Variants in PREX1 observed in about 807,000 individuals in gnomAD.
PREX1 encodes phosphatidylinositol 3,4,5-trisphosphate-dependent Rac exchanger 1 protein.
A neutral mutation model predicts 198.3 loss-of-function variants in PREX1; 41 were observed. The ratio of observed to expected loss-of-function variants is 0.21; its 90% CI spans 0.16 to 0.27. The LOEUF is 0.27. Ranked by LOEUF, PREX1 falls within the 10% of genes least tolerant of loss-of-function variation. The probability of loss-of-function intolerance (pLI) is 1.00; values close to 1 mark genes in which losing one functional copy is unlikely to be tolerated. For synonymous variants in PREX1, 843 were observed against 887.2 expected (o/e 0.95, Z 0.89); for missense variants, 1,620 against 2,200.7 (o/e 0.74, Z 5.28).
intron 2 of PREX1, among the ~76,000 whole-genome samples, chr20:48,746,991 C>T (rs2090111177): frequency 9.2e-6 from 1 of 108,610 alleles, no homozygotes; most frequent in African/African-American, 3.2e-5. Context: ...CACACACACA[C>T]ACACACACAC....
In PREX1 at chr20:48,747,769, A is replaced by G. The variant is rs927080870; in HGVS notation, c.291+40T>C. The G allele has an allele frequency of 2.5e-6, 4 of 1,569,354 alleles. No homozygotes were observed. In the African/African-American group the frequency reaches 4.1e-5, roughly 16 times the overall value. On this transcript the variant is annotated intron_variant, in intron 2 of 39. Coordinates refer to ENST00000371941, the MANE Select transcript of PREX1 (RefSeq NM_020820.4). ...CGGGAAGAGCAAGGCACAAAGCAAC[A>G]CAGATGCTCTAGAACAGGGGCCAGC...
chr20:48,764,914 G>A (rs183394243), intron 1 of PREX1, among the ~76,000 whole-genome samples: 1 of 152,246 alleles, frequency 6.6e-6, no homozygotes, highest in Admixed American at 6.5e-5. Flanking sequence ...AAGGAATGCA[G>A]GGGCCTCTGG....
At chr20:48,722,543 C>G (rs572180266) in intron 5 of PREX1, among the ~76,000 whole-genome samples, 20 of 152,254 alleles carry the variant, frequency 1.3e-4, no homozygotes, top group African/African-American at 4.3e-4. Context: ...AATGGTTGCA[C>G]AACCCTTGAG....
At chr20:48,867,245 C>T in the PREX1 span, among the ~76,000 whole-genome samples, 4 of 152,184 alleles carry the variant, frequency 2.6e-5, no homozygotes, top group African/African-American at 9.7e-5. Flanking sequence ...AGCCAATCCA[C>T]TTCAAGTTTC....
At chr20:48,729,366 C>T (rs2090024194) in intron 4 of PREX1, among the ~76,000 whole-genome samples, 1 of 152,034 alleles carries the variant, frequency 6.6e-6, no homozygotes, top group African/African-American at 2.4e-5. Context: ...TGTGAGCCAC[C>T]GTGCCTGGCC....
At chr20:48,679,522 G>A (rs1156499294) in intron 12 of PREX1, 113 bp from the exon 13 acceptor site, 9 of 1,389,894 alleles carry the variant, frequency 6.5e-6, no homozygotes, top group Non-Finnish European at 6.1e-6. Flanking sequence ...GGGTAATGGG[G>A]GCAGGGGTGA....
intron 1 of PREX1, among the ~76,000 whole-genome samples, chr20:48,778,930 C>G (rs1465989999): frequency 6.6e-6 from 1 of 151,822 alleles, no homozygotes; most frequent in African/African-American, 2.4e-5. Context: ...GGAGAAAATC[C>G]TTGTGACCTG....
intron 2 of PREX1, 149 bp from the exon 3 acceptor site, chr20:48,745,296 T>C (rs973454302): frequency 1.3e-5 from 10 of 797,290 alleles, no homozygotes; most frequent in Non-Finnish European, 1.9e-5. Context: ...CTAATAGAAA[T>C]CTTTGTAATA....
At chr20:48,745,765 CCTT>C (rs1452373755) in intron 2 of PREX1, among the ~76,000 whole-genome samples, 1 of 152,214 alleles carries the variant, frequency 6.6e-6, no homozygotes, top group African/African-American at 2.4e-5. Context: ...TAGAATTTAA[CCTT>C]CTGATCAGTT....
At chr20:48,867,870 C>T in the PREX1 span, among the ~76,000 whole-genome samples, 2 of 142,268 alleles carry the variant, frequency 1.4e-5, no homozygotes, top group Non-Finnish European at 3.1e-5. Flanking sequence ...CCATCTTAAC[C>T]TTTTTTTTTT....
chr20:48,658,310 T>G, intron 16 of PREX1, 82 bp from the exon 17 acceptor site: 2 of 1,391,294 alleles, frequency 1.4e-6, no homozygotes, highest in East Asian at 2.3e-5. Flanking sequence ...CACAGGACCA[T>G]GACCTCGTCC....
chr20:48,659,045 A>G (rs757799213), intron 16 of PREX1, among the ~76,000 whole-genome samples: 3 of 151,816 alleles, frequency 2.0e-5, no homozygotes, highest in Non-Finnish European at 4.4e-5. Flanking sequence ...CCTGGGCAAC[A>G]TAGCAAAACC....
chr20:48,853,797 T>A, the PREX1 span, among the ~76,000 whole-genome samples: 6 of 152,220 alleles, frequency 3.9e-5, no homozygotes, highest in Admixed American at 3.3e-4. Flanking sequence ...ACCAGCTGAG[T>A]GACATCAAGC....
At chr20:48,750,044 C>T (rs2090127346) in intron 1 of PREX1, among the ~76,000 whole-genome samples, 1 of 148,558 alleles carries the variant, frequency 6.7e-6, no homozygotes, top group African/African-American at 2.4e-5. Context: ...TAATTAATGA[C>T]CTTTCCCAAA....
chr20:48,869,666 A>G, the PREX1 span, among the ~76,000 whole-genome samples: 2 of 152,334 alleles, frequency 1.3e-5, no homozygotes, highest in East Asian at 3.9e-4. Flanking sequence ...ATGCAGCCAT[A>G]AAAAAGAATA....
the PREX1 span, among the ~76,000 whole-genome samples, chr20:48,887,031 A>G: frequency 2.0e-5 from 3 of 152,182 alleles, no homozygotes; most frequent in Non-Finnish European, 4.4e-5. Flanking sequence ...ACTATCTTTA[A>G]GAGGAATGGC....
chr20:48,822,284 G>T (rs1384581056), intron 1 of PREX1, among the ~76,000 whole-genome samples: 1 of 152,180 alleles, frequency 6.6e-6, no homozygotes, highest in Non-Finnish European at 1.5e-5. Flanking sequence ...CAGCCCAGAG[G>T]TCTCACAGGG....
At chr20:48,636,350 G>A (rs932415061) in intron 32 of PREX1, 113 bp downstream of exon 32, 89 of 1,099,596 alleles carry the variant, frequency 8.1e-5, no homozygotes, top group Middle Eastern at 3.0e-4. Context: ...GCTGCTGCGG[G>A]AATGACGAGG....
At chr20:48,679,796 C>A (rs2089736491) in intron 11 of PREX1, 42 bp from the exon 12 acceptor site, 1 of 1,476,812 alleles carries the variant, frequency 6.8e-7, no homozygotes, top group South Asian at 1.1e-5. Context: ...CACGCCCCCT[C>A]AGCCCCTCCC....
Sources: allele counts gnomAD v4.1 joint callset (sites outside exome capture counted in the v4.1 genomes callset), GRCh38; gene constraint gnomAD v4.1.1; transcripts MANE v1.5; gene names NCBI Gene and HGNC (gene_info 2026-07-23, HGNC 2026-07-21).